Variants in THADA observed in about 807,000 individuals in gnomAD.
THADA encodes the protein tRNA (32-2'-O)-methyltransferase regulator THADA.
THADA carries 213 observed loss-of-function variants against 219.8 expected under a neutral mutation model. The ratio of observed to expected loss-of-function variants is 0.97; its 90% CI spans 0.87 to 1.09. The LOEUF (loss-of-function observed/expected upper bound fraction) is 1.09. Ranked by LOEUF, THADA falls within the 50% of genes least tolerant of loss-of-function variation. THADA has a pLI of 0.00. For synonymous variants in THADA, 1,018 were observed against 828.9 expected, an observed-to-expected ratio of 1.23 and a Z score of -3.92; for missense variants, 2,956 against 2,311.3, an observed-to-expected ratio of 1.28 and a Z score of -5.72.
At chr2:43,373,648 T>G (rs1399640905) in intron 29 of THADA, among the ~76,000 whole-genome samples, 1 of 152,142 alleles carries the variant, frequency 6.6e-6, no homozygotes, top group Non-Finnish European at 1.5e-5. Flanking sequence ...GGCTAATTTT[T>G]GTATTTTTAG....
chr2:43,583,796 A>C (rs1247874832), intron 7 of THADA, among the ~76,000 whole-genome samples: 1 of 152,138 alleles, frequency 6.6e-6, no homozygotes, highest in Non-Finnish European at 1.5e-5. Context: ...TAATCCCAGC[A>C]CTTTGGGGGA....
chr2:43,504,491 G>C (rs1392040523), intron 24 of THADA, among the ~76,000 whole-genome samples: 1 of 152,148 alleles, frequency 6.6e-6, no homozygotes, highest in Non-Finnish European at 1.5e-5. Flanking sequence ...CACAGGTTCT[G>C]AAATAAAATC....
chr2:43,519,720 C>G (rs1379218873), intron 22 of THADA, among the ~76,000 whole-genome samples: 1 of 152,192 alleles, frequency 6.6e-6, no homozygotes, highest in East Asian at 1.9e-4. Flanking sequence ...TTTAAGAAAT[C>G]TTTTGTTGAA....
At chr2:43,273,115 G>A (rs148887278) in intron 36 of THADA, among the ~76,000 whole-genome samples, 1 of 152,198 alleles carries the variant, frequency 6.6e-6, no homozygotes, top group East Asian at 1.9e-4. Context: ...CAGCCATGGT[G>A]GTGTGTGTCT....
chr2:43,411,231 A>G (rs911372586), intron 28 of THADA, among the ~76,000 whole-genome samples: 3 of 152,250 alleles, frequency 2.0e-5, no homozygotes, highest in Non-Finnish European at 4.4e-5. Flanking sequence ...CTAGGATTCA[A>G]AGTCAAGTCT....
intron 29 of THADA, among the ~76,000 whole-genome samples, chr2:43,380,497 A>C (rs1024258805): frequency 4.6e-5 from 7 of 152,236 alleles, no homozygotes; most frequent in African/African-American, 1.7e-4. Context: ...ACCACATAAT[A>C]CTGGAGTAGA....
At chr2:43,400,226 G>T (rs889124585) in intron 28 of THADA, among the ~76,000 whole-genome samples, 1 of 151,912 alleles carries the variant, frequency 6.6e-6, no homozygotes, top group African/African-American at 2.4e-5. Context: ...ATGGAAAGGG[G>T]GAAAAGTGCC....
At chr2:43,292,700 C>G in intron 32 of THADA, 134 bp downstream of exon 32, 1 of 1,117,294 alleles carries the variant, frequency 9.0e-7, no homozygotes, top group Non-Finnish European at 1.3e-6. Flanking sequence ...TCCTTATCCA[C>G]TGGCTGCCGA....
chr2:43,398,859 C>T (rs747863382), intron 28 of THADA, among the ~76,000 whole-genome samples: 1 of 152,194 alleles, frequency 6.6e-6, no homozygotes, highest in East Asian at 1.9e-4. Flanking sequence ...TCTGAACTTA[C>T]TGTTAAGAGA....
At chr2:43,464,145 T>C (rs1434444301) in intron 26 of THADA, among the ~76,000 whole-genome samples, 1 of 152,216 alleles carries the variant, frequency 6.6e-6, no homozygotes, top group African/African-American at 2.4e-5. Flanking sequence ...TGAGGCTTAA[T>C]ATGGTTAGCA....
At chr2:43,441,343 T>C (rs1680816567) in intron 26 of THADA, among the ~76,000 whole-genome samples, 2 of 152,312 alleles carry the variant, frequency 1.3e-5, no homozygotes, top group South Asian at 2.1e-4. Context: ...CTGAGCTCCA[T>C]GTACTCGCCA....
Position 43,428,108 on chromosome 2 carries a change from G to A in THADA, c.4050C>T (p.Phe1350=), listed in dbSNP as rs1457005711. The stretch of plus-strand genomic sequence containing the variant: ...ACACAGCATGACACTACCTCATAAT[G>A]AAGGGAACAAAAGGTCCCATGCTGA... ...SALSMGPFVP[F]IMRCGHSPVY... Residue 1350 remains phenylalanine (F), a synonymous_variant, in exon 28 of 38, where the codon TTC becomes TTT. Transcript: ENST00000405975. The A allele has an allele frequency of 3.9e-5, 62 of 1,608,048 alleles. No individual in the cohort carries two copies. Among genetic ancestry groups the A allele is most frequent in the Non-Finnish European group, 5.2e-5 (61 of 1,176,592 alleles).
chr2:43,533,551 A>G (rs975585034), intron 21 of THADA, among the ~76,000 whole-genome samples: 1 of 152,248 alleles, frequency 6.6e-6, no homozygotes, highest in African/African-American at 2.4e-5. Flanking sequence ...ATGGAATACC[A>G]TACAGCCACA....
rs1342492199 is a variant in THADA at position 43,571,847 on chromosome 2, A to C, written c.1924T>G (p.Leu642Val). ...CGATTACTTTCACAAAGCAAGCCTAATGTATCTATCCTTACCTAAAAAACA... is the reference window on the plus strand; with the variant it reads ...CGATTACTTTCACAAAGCAAGCCTACTGTATCTATCCTTACCTAAAAAACA... ...HQHCQVRIDTLGLLCESNRST... is the reference protein window; with the variant it reads ...HQHCQVRIDTVGLLCESNRST... Residue 642 changes from leucine to valine, a missense_variant, in exon 13 of 38, where the codon TTA (leucine) becomes GTA (valine). Coordinates refer to ENST00000405975, the MANE Select transcript of THADA (RefSeq NM_022065.5). 1 of 1,613,742 alleles carries C rather than the reference A, an allele frequency of 6.2e-7. No individual in the cohort carries two copies. Among genetic ancestry groups the C allele is most frequent in the African/African-American group, 1.3e-5 (1 of 74,938 alleles).
intron 21 of THADA, among the ~76,000 whole-genome samples, chr2:43,528,860 A>G (rs141084036): frequency 6.6e-6 from 1 of 152,202 alleles, no homozygotes; most frequent in African/African-American, 2.4e-5. Flanking sequence ...TAAATGTACA[A>G]TTAAGTGGCA....
chr2:43,442,277 A>G (rs980993961), intron 26 of THADA, among the ~76,000 whole-genome samples: 1 of 152,078 alleles, frequency 6.6e-6, no homozygotes. Context: ...CTCTACTAAA[A>G]ATATAAAATT....
chr2:43,429,466 G>C (rs1678951863), intron 27 of THADA, among the ~76,000 whole-genome samples: 1 of 152,030 alleles, frequency 6.6e-6, no homozygotes, highest in African/African-American at 2.4e-5. Context: ...TAATGGCTTT[G>C]CTCTGTGTTT....
chr2:43,360,011 C>A (rs1315566772), intron 29 of THADA, among the ~76,000 whole-genome samples: 1 of 151,542 alleles, frequency 6.6e-6, no homozygotes, highest in South Asian at 2.1e-4. Flanking sequence ...CTAAAAGGTA[C>A]CTTCTAACAT....
intron 14 of THADA, 26 bp downstream of exon 14, chr2:43,570,362 C>G (rs761877283): frequency 6.4e-7 from 1 of 1,569,986 alleles, no homozygotes. Flanking sequence ...AAAAAAAACT[C>G]TCATGTTTAG....
Sources: allele counts gnomAD v4.1 joint callset (sites outside exome capture counted in the v4.1 genomes callset), GRCh38; gene constraint gnomAD v4.1.1; transcripts MANE v1.5; gene names NCBI Gene and HGNC (gene_info 2026-07-23, HGNC 2026-07-21).